The following CNKSR2 variants were observed in gnomAD, a reference collection of about 807,000 sequenced individuals.
CNKSR2 encodes the protein connector enhancer of kinase suppressor of Ras 2.
CNKSR2 carries 14 observed loss-of-function variants against 84.4 expected under a neutral mutation model. That is an observed-to-expected ratio of 0.17 (90% CI 0.11 to 0.26). The LOEUF is 0.26. Ranked by LOEUF, CNKSR2 falls within the 10% of genes least tolerant of loss-of-function variation. The pLI is 1.00. For synonymous variants in CNKSR2, 275 were observed against 277.9 expected (o/e 0.99, Z 0.10); for missense variants, 485 against 771.2 (o/e 0.63, Z 4.40).
intron 8 of CNKSR2, among the ~76,000 whole-genome samples, chrX:21,508,320 ACT>A (rs1414136976): frequency 8.9e-6 from 1 of 111,800 alleles, no homozygotes; most frequent in African/African-American, 3.2e-5. Flanking sequence ...ACAGAGTGAG[ACT>A]CTGTCTCAAA....
chrX:21,623,072 A>C (rs974343848), intron 20 of CNKSR2, among the ~76,000 whole-genome samples: 1 of 111,221 alleles, frequency 9.0e-6, no homozygotes, highest in Non-Finnish European at 1.9e-5. Flanking sequence ...AGTAAGAGTA[A>C]GAAAATAAGA....
intron 1 of CNKSR2, among the ~76,000 whole-genome samples, chrX:21,405,473 T>C (rs1226889138): frequency 1.8e-5 from 2 of 111,744 alleles, no homozygotes; most frequent in African/African-American, 3.3e-5. Flanking sequence ...TATGGGGAAG[T>C]TATTGAATAC....
At chrX:21,444,194 A>G (rs947931686) in intron 4 of CNKSR2, among the ~76,000 whole-genome samples, 3 of 111,847 alleles carry the variant, frequency 2.7e-5, no homozygotes, top group Non-Finnish European at 5.7e-5. Flanking sequence ...GAAAGATTAT[A>G]AAATTTTGTT....
At chrX:21,551,841 C>G (rs1025909081) in intron 11 of CNKSR2, among the ~76,000 whole-genome samples, 1 of 111,664 alleles carries the variant, frequency 9.0e-6, no homozygotes, top group Non-Finnish European at 1.9e-5. Flanking sequence ...AAATCAAAGT[C>G]AGAGACCTTG....
At chrX:21,617,242 A>G (rs1234430389) in intron 20 of CNKSR2, among the ~76,000 whole-genome samples, 1 of 111,528 alleles carries the variant, frequency 9.0e-6, no homozygotes, top group Non-Finnish European at 1.9e-5. Flanking sequence ...TCCATGGAGT[A>G]CCTTCTAGCT....
rs3217648 is a variant in CNKSR2, at chrX:21,374,594, GGCAGCAGCAGCAGCAGCAGCAGCA to G, written c.-289_-266del. 5.3e-5 allele frequency: 24 copies of G among 456,293 alleles called. No individual in the cohort carries two copies. The highest frequency in any genetic ancestry group is 1.8e-4 in the Admixed American group (6 of 33,722). 37.6% of individuals were successfully genotyped at this position (456,293 alleles called of 1,213,427 possible). ...ACGGAGACCGGAGCGGAGCGGCGGA[GGCAGCAGCAGCAGCAGCAGCAGCA>G]GCAGCAGCAGCAGCCGCCGCCGCCG... On this transcript the variant is annotated 5_prime_UTR_variant, in exon 1 of 22. Coordinates refer to ENST00000379510, the MANE Select transcript of CNKSR2 (RefSeq NM_014927.5).
At chrX:21,382,514 T>TA (rs2089913124) in intron 1 of CNKSR2, among the ~76,000 whole-genome samples, 1 of 111,291 alleles carries the variant, frequency 9.0e-6, no homozygotes, top group African/African-American at 3.3e-5. Context: ...TAAAGAACTC[T>TA]ATATATCTTA....
At chrX:21,396,860 C>G (rs946050273) in intron 1 of CNKSR2, among the ~76,000 whole-genome samples, 2 of 111,570 alleles carry the variant, frequency 1.8e-5, no homozygotes, top group African/African-American at 3.2e-5. Context: ...TAGTATGTTG[C>G]ATAGATCTTT....
intron 1 of CNKSR2, among the ~76,000 whole-genome samples, chrX:21,379,635 G>C (rs2146941448): frequency 8.9e-6 from 1 of 111,916 alleles, no homozygotes; most frequent in African/African-American, 3.2e-5. Context: ...AGATATATTT[G>C]CTCCATAGAT....
At chrX:21,629,769 A>G (rs1227259004) in intron 20 of CNKSR2, among the ~76,000 whole-genome samples, 2 of 112,347 alleles carry the variant, frequency 1.8e-5, no homozygotes, top group Admixed American at 1.9e-4. Flanking sequence ...TAAGTTATCT[A>G]ATGGCAAGAG....
chrX:21,612,727 TAAG>T (rs2092556822), intron 20 of CNKSR2, among the ~76,000 whole-genome samples: 1 of 112,101 alleles, frequency 8.9e-6, no homozygotes, highest in African/African-American at 3.2e-5. Flanking sequence ...CAGAGCAATC[TAAG>T]AAGCAAGATA....
At chrX:21,442,993 A>G (rs767682188) in intron 4 of CNKSR2, among the ~76,000 whole-genome samples, 82 of 109,777 alleles carry the variant, frequency 7.5e-4, no homozygotes, top group Admixed American at 1.7e-3. Context: ...ACTGGGGCCT[A>G]CTCGAGGGTG....
intron 11 of CNKSR2, among the ~76,000 whole-genome samples, chrX:21,534,166 G>A (rs1011623107): frequency 9.1e-6 from 1 of 109,925 alleles, no homozygotes; most frequent in African/African-American, 3.3e-5. Flanking sequence ...GTTCCCACTC[G>A]TGAATGCAAA....
intron 5 of CNKSR2, among the ~76,000 whole-genome samples, chrX:21,479,649 A>T (rs1002248663): frequency 9.0e-6 from 1 of 111,133 alleles, no homozygotes; most frequent in Non-Finnish European, 1.9e-5. Flanking sequence ...ACTGAGGAAT[A>T]GTACCCAAGG....
intron 1 of CNKSR2, among the ~76,000 whole-genome samples, chrX:21,392,970 G>T (rs980881264): frequency 1.8e-5 from 2 of 111,420 alleles, no homozygotes; most frequent in Non-Finnish European, 3.8e-5. Context: ...TAGTTTAATG[G>T]TGTGAAAATT....
At chrX:21,491,352 A>T (rs1213415502) in intron 6 of CNKSR2, 2 of 112,142 alleles carry the variant, frequency 1.8e-5, no homozygotes, top group Non-Finnish European at 3.8e-5. Context: ...CTCCCTGTAT[A>T]TGAATTTACC....
At chrX:21,398,731 A>G (rs749428545) in intron 1 of CNKSR2, among the ~76,000 whole-genome samples, 2 of 111,849 alleles carry the variant, frequency 1.8e-5, no homozygotes, top group African/African-American at 6.5e-5. Flanking sequence ...ATATTTCTCA[A>G]ATGCCTAACT....
At chrX:21,514,003 A>G (rs1046079855) in intron 8 of CNKSR2, among the ~76,000 whole-genome samples, 4 of 112,316 alleles carry the variant, frequency 3.6e-5, no homozygotes, top group African/African-American at 1.3e-4. Context: ...AGAAGAAAGT[A>G]TGTATTGCAA....
chrX:21,477,417 T>C (rs989521891), intron 5 of CNKSR2, among the ~76,000 whole-genome samples: 1 of 111,856 alleles, frequency 8.9e-6, no homozygotes, highest in African/African-American at 3.2e-5. Flanking sequence ...TCTTTTTTTT[T>C]CTCCAAGCTA....
Sources: allele counts gnomAD v4.1 joint callset (sites outside exome capture counted in the v4.1 genomes callset), GRCh38; gene constraint gnomAD v4.1.1; transcripts MANE v1.5; gene names NCBI Gene and HGNC (gene_info 2026-07-23, HGNC 2026-07-21).